EBF2: variants seen among roughly 807,000 people sequenced by gnomAD.
EBF2 encodes the protein EBF transcription factor 2, also known as transcription factor COE2.
A neutral mutation model predicts 72.8 loss-of-function variants in EBF2; 21 were observed. The ratio of observed to expected loss-of-function variants is 0.29; its 90% CI spans 0.20 to 0.42. EBF2 has a LOEUF of 0.42. EBF2 is among the 10% of genes least tolerant of loss of function. The pLI is 1.00. For missense variants in EBF2, 637 were observed against 731.2 expected, an observed-to-expected ratio of 0.87 and a Z score of 1.49; for synonymous variants, 299 against 274.2, an observed-to-expected ratio of 1.09 and a Z score of -0.89.
chr8:25,850,738 C>T lies in EBF2; in HGVS notation c.1552G>A (p.Gly518Arg), dbSNP rs1801949873. 2 of 1,561,562 alleles carry T rather than the reference C, an allele frequency of 1.3e-6. No individual in the cohort carries two copies. ...AGGATGGAGGATGTGCTGGAAGACCCAACGGTGGGACTTGATGACATGACT... is the reference window on the plus strand; with the variant it reads ...AGGATGGAGGATGTGCTGGAAGACCTAACGGTGGGACTTGATGACATGACT... Reference protein sequence around the residue: ...YGIMSSSPTVGSSSTSSILPF... With the variant: ...YGIMSSSPTVRSSSTSSILPF... Residue 518 changes from glycine to arginine, a missense_variant, in exon 15 of 16, where the codon GGG (glycine) becomes AGG (arginine). Gly to Arg is a moderately radical substitution (Grantham distance 125). Transcript: ENST00000520164.
At chr8:26,038,704 A>G (rs1229006755) in intron 5 of EBF2, among the ~76,000 whole-genome samples, 1 of 152,222 alleles carries the variant, frequency 6.6e-6, no homozygotes, top group African/African-American at 2.4e-5. Flanking sequence ...TGGAGTATCT[A>G]TCTTCTTACT....
chr8:25,916,734 C>G (rs1422066546), intron 6 of EBF2, among the ~76,000 whole-genome samples: 3 of 152,166 alleles, frequency 2.0e-5, no homozygotes, highest in Admixed American at 6.5e-5. Flanking sequence ...TGGGAGTCCT[C>G]ATTCCTGTTT....
intron 6 of EBF2, among the ~76,000 whole-genome samples, chr8:25,936,557 A>G (rs948907241): frequency 2.6e-5 from 4 of 152,240 alleles, no homozygotes; most frequent in Non-Finnish European, 5.9e-5. Context: ...CAATCTAGAA[A>G]TATTGGATGA....
At chr8:25,920,099 C>G (rs1432461447) in intron 6 of EBF2, among the ~76,000 whole-genome samples, 1 of 151,926 alleles carries the variant, frequency 6.6e-6, no homozygotes, top group East Asian at 1.9e-4. Context: ...ATGACAGCAG[C>G]TGGAATAATA....
chr8:25,987,115 C>G (rs767119936), intron 6 of EBF2, among the ~76,000 whole-genome samples: 1 of 152,060 alleles, frequency 6.6e-6, no homozygotes, highest in East Asian at 1.9e-4. Flanking sequence ...GCTAAAGAAG[C>G]AGAGGTGAGG....
chr8:25,938,975 A>G (rs1803625585), intron 6 of EBF2, among the ~76,000 whole-genome samples: 2 of 151,976 alleles, frequency 1.3e-5, no homozygotes, highest in South Asian at 4.2e-4. Context: ...CTTCCCAGAG[A>G]CCTGGGAACC....
chr8:25,943,366 C>T (rs1008279492), intron 6 of EBF2, among the ~76,000 whole-genome samples: 1 of 150,362 alleles, frequency 6.7e-6, no homozygotes, highest in Non-Finnish European at 1.5e-5. Context: ...AAAATTTAGT[C>T]GGGCATGCTG....
rs565210351 is a variant in EBF2 at position 25,845,361 on chromosome 8, G to A, written c.1697-721C>T. On this transcript the variant is annotated intron_variant, in intron 15 of 15. Transcript: ENST00000520164. ...TCCTGCCTCAGCCTCTGCCTCCTGA[G>A]TAGCTGGGACTACAGGTGCATGCCA... is the stretch of plus-strand genomic sequence containing the variant. Among the ~76,000 whole-genome samples, 20 of 152,238 alleles carry A rather than the reference G, an allele frequency of 1.3e-4. No homozygotes were observed. In the South Asian group the frequency reaches 2.7e-3, roughly 21 times the overall value.
At chr8:25,898,732 A>G (rs925003905) in intron 7 of EBF2, among the ~76,000 whole-genome samples, 1 of 152,174 alleles carries the variant, frequency 6.6e-6, no homozygotes, top group African/African-American at 2.4e-5. Context: ...ATTCTTGTCT[A>G]GGAAGCTCTA....
At chr8:25,966,520 G>T (rs1201224291) in intron 6 of EBF2, among the ~76,000 whole-genome samples, 3 of 152,210 alleles carry the variant, frequency 2.0e-5, no homozygotes, top group Non-Finnish European at 4.4e-5. Context: ...GAAGGTAAAT[G>T]CAATCTGAGA....
intron 6 of EBF2, among the ~76,000 whole-genome samples, chr8:25,916,236 A>G (rs539741337): frequency 2.6e-5 from 4 of 151,416 alleles, no homozygotes; most frequent in African/African-American, 9.7e-5. Context: ...TAGTGAGCCA[A>G]GATTGTGCCA....
At chr8:26,040,867 G>A in intron 3 of EBF2, 72 bp downstream of exon 3, 1 of 1,598,114 alleles carries the variant, frequency 6.3e-7, no homozygotes. Context: ...GAGTGATCAT[G>A]GCAAGGTCAG....
intron 7 of EBF2, among the ~76,000 whole-genome samples, chr8:25,894,867 C>A (rs571227938): frequency 6.6e-6 from 1 of 152,168 alleles, no homozygotes; most frequent in Non-Finnish European, 1.5e-5. Context: ...AGGTGCCATT[C>A]GGAGGTGCCT....
intron 6 of EBF2, among the ~76,000 whole-genome samples, chr8:26,023,014 T>G (rs1366975177): frequency 6.6e-6 from 1 of 152,190 alleles, no homozygotes; most frequent in Non-Finnish European, 1.5e-5. Flanking sequence ...GTGGGTAGAA[T>G]CCTAAATCTG....
At chr8:25,946,379 C>T (rs1803769090) in intron 6 of EBF2, among the ~76,000 whole-genome samples, 1 of 152,162 alleles carries the variant, frequency 6.6e-6, no homozygotes, top group Admixed American at 6.5e-5. Flanking sequence ...TTACCCCAGA[C>T]CTAAATATGC....
At chr8:25,953,552 C>T (rs1242769588) in intron 6 of EBF2, among the ~76,000 whole-genome samples, 1 of 152,198 alleles carries the variant, frequency 6.6e-6, no homozygotes, top group Non-Finnish European at 1.5e-5. Context: ...CAGTCCCATA[C>T]CGCAGAGGAA....
chr8:25,880,762 CT>C (rs1324209371), intron 10 of EBF2, among the ~76,000 whole-genome samples: 5 of 152,110 alleles, frequency 3.3e-5, no homozygotes, highest in African/African-American at 1.2e-4. Flanking sequence ...CATTTTGTTG[CT>C]ATTTTGATTG....
chr8:25,898,026 A>C (rs946741185), intron 7 of EBF2, among the ~76,000 whole-genome samples: 3 of 152,192 alleles, frequency 2.0e-5, no homozygotes, highest in African/African-American at 7.2e-5. Context: ...GCTACATGCA[A>C]TGGAAGTTTA....
chr8:25,890,754 G>C lies in EBF2; in HGVS notation c.634-885C>G, dbSNP rs576531864. On this transcript the variant is annotated intron_variant, in intron 7 of 15. Transcript: ENST00000520164. The stretch of plus-strand genomic sequence containing the variant: ...TGATGCTTAAAGGAAATGTTCATTG[G>C]ATCATTTTGGATTTTGGATTTTTCA... Among the ~76,000 whole-genome samples, 12 of 152,270 alleles carry C rather than the reference G, an allele frequency of 7.9e-5. No homozygotes were observed. In the South Asian group the frequency reaches 2.5e-3, roughly 32 times the overall value.
Sources: allele counts gnomAD v4.1 joint callset (sites outside exome capture counted in the v4.1 genomes callset), GRCh38; gene constraint gnomAD v4.1.1; transcripts MANE v1.5; gene names NCBI Gene and HGNC (gene_info 2026-07-23, HGNC 2026-07-21).